Variants in CACNA2D1 observed in about 807,000 individuals in gnomAD.
CACNA2D1 encodes the protein calcium voltage-gated channel auxiliary subunit alpha2delta 1.
Under a neutral mutation model 171.5 loss-of-function variants are expected in CACNA2D1, and 53 were observed. That is an observed-to-expected ratio of 0.31 (90% confidence interval 0.25 to 0.39). The LOEUF is 0.39. Ranked by LOEUF, CACNA2D1 falls within the 10% of genes least tolerant of loss-of-function variation. The pLI is 1.00. For synonymous variants in CACNA2D1, 442 were observed against 443.1 expected, an observed-to-expected ratio of 1.00 and a Z score of 0.03; for missense variants, 903 against 1,299.8, an observed-to-expected ratio of 0.69 and a Z score of 4.69.
intron 3 of CACNA2D1, among the ~76,000 whole-genome samples, chr7:82,294,549 A>C (rs1812036264): frequency 6.6e-6 from 1 of 152,174 alleles, no homozygotes; most frequent in African/African-American, 2.4e-5. Flanking sequence ...CACAATAAAA[A>C]GCAGATTGAC....
chr7:82,433,187 CAA>C (rs3216244), intron 1 of CACNA2D1, among the ~76,000 whole-genome samples: 14 of 122,968 alleles, frequency 1.1e-4, no homozygotes, highest in Admixed American at 1.7e-4. Flanking sequence ...GACTCCATCT[CAA>C]AAAAAAAAAA....
intron 3 of CACNA2D1, among the ~76,000 whole-genome samples, chr7:82,227,959 T>C (rs901744070): frequency 6.6e-6 from 1 of 152,116 alleles, no homozygotes. Context: ...CAAGTGTACA[T>C]GTACCCCCGG....
intron 3 of CACNA2D1, among the ~76,000 whole-genome samples, chr7:82,279,544 G>A (rs556388894): frequency 6.6e-6 from 1 of 152,224 alleles, no homozygotes; most frequent in African/African-American, 2.4e-5. Context: ...AAATCTCAGT[G>A]ACAAAGACCT....
chr7:82,439,263 T>C (rs993519292), intron 1 of CACNA2D1, among the ~76,000 whole-genome samples: 1 of 152,064 alleles, frequency 6.6e-6, no homozygotes, highest in Non-Finnish European at 1.5e-5. Flanking sequence ...TATATACTCC[T>C]ATATATACTA....
chr7:82,174,238 A>C (rs908633744), intron 3 of CACNA2D1, among the ~76,000 whole-genome samples: 1 of 151,874 alleles, frequency 6.6e-6, no homozygotes, highest in African/African-American at 2.4e-5. Context: ...TCAGACCTTA[A>C]AACCAGACTG....
chr7:82,084,700 A>G (rs558944278), intron 7 of CACNA2D1, 69 bp downstream of exon 7: 1 of 1,521,742 alleles, frequency 6.6e-7, no homozygotes, highest in East Asian at 2.3e-5. Context: ...GTATCAGGGA[A>G]GATAACAGAG....
chr7:81,996,983 T>C (rs1798109626), intron 19 of CACNA2D1, among the ~76,000 whole-genome samples, 196 bp downstream of exon 19: 1 of 152,126 alleles, frequency 6.6e-6, no homozygotes, highest in Admixed American at 6.5e-5. Flanking sequence ...CTTAAACATT[T>C]ATTCCTTTTC....
At chr7:82,020,850 G>T (rs769823047) in intron 12 of CACNA2D1, 15 of 152,130 alleles carry the variant, frequency 9.9e-5, no homozygotes, top group Non-Finnish European at 8.8e-5. Flanking sequence ...ACGGAGAGAA[G>T]AATTTAATCG....
chr7:82,020,061 A>T (rs995622038), intron 12 of CACNA2D1, among the ~76,000 whole-genome samples: 1 of 152,200 alleles, frequency 6.6e-6, no homozygotes, highest in Non-Finnish European at 1.5e-5. Context: ...GTAATAAATA[A>T]AAGTGTCCAA....
intron 7 of CACNA2D1, among the ~76,000 whole-genome samples, chr7:82,069,583 T>C (rs1808068272): frequency 6.6e-6 from 1 of 152,212 alleles, no homozygotes; most frequent in African/African-American, 2.4e-5. Context: ...ATTGTTGATT[T>C]AAGCAGGTAT....
intron 12 of CACNA2D1, among the ~76,000 whole-genome samples, chr7:82,025,055 C>A (rs1801707695): frequency 6.6e-6 from 1 of 151,532 alleles, no homozygotes; most frequent in Non-Finnish European, 1.5e-5. Flanking sequence ...CTTTGTAATA[C>A]ATTTTGATAT....
In CACNA2D1 at chr7:82,315,948, G is replaced by T. The variant is rs188770176; in HGVS notation, c.294+19187C>A. On this transcript the variant is annotated intron_variant, in intron 3 of 38. Transcript: ENST00000356860. ...GCTAGAAATTAAAATTAATTCCTTA[G>T]ATCAATGTCACCAGGTGTTTTTTTT... Among the ~76,000 whole-genome samples the T allele has an allele frequency of 4.0e-3, 601 of 151,282 alleles. 8 individuals are homozygous for T. The highest frequency in any genetic ancestry group is 0.01 in the Middle Eastern group (3 of 292).
chr7:82,202,281 T>C (rs1250832839), intron 3 of CACNA2D1, among the ~76,000 whole-genome samples: 1 of 152,108 alleles, frequency 6.6e-6, no homozygotes, highest in African/African-American at 2.4e-5. Flanking sequence ...CTACGATTCC[T>C]CAAGTGTTCT....
At chr7:82,373,183 CA>C (rs540168389) in intron 1 of CACNA2D1, among the ~76,000 whole-genome samples, 48 of 148,252 alleles carry the variant, frequency 3.2e-4, no homozygotes, top group Non-Finnish European at 5.1e-4. Flanking sequence ...GACACTGTCT[CA>C]AAAAAAAAAT....
chr7:81,963,900 A>C (rs992791878), intron 34 of CACNA2D1, among the ~76,000 whole-genome samples, 156 bp downstream of exon 34: 1 of 152,038 alleles, frequency 6.6e-6, no homozygotes, highest in African/African-American at 2.4e-5. Context: ...CTTAGGAAAA[A>C]CTATAAATAT....
chr7:82,136,522 T>C, intron 5 of CACNA2D1, 113 bp downstream of exon 5: 2 of 718,346 alleles, frequency 2.8e-6, no homozygotes, highest in Non-Finnish European at 2.3e-6. Flanking sequence ...ATTTTGCTCA[T>C]GCAGTCTAAC....
chr7:82,386,593 C>T (rs914834455), intron 1 of CACNA2D1, among the ~76,000 whole-genome samples: 1 of 151,820 alleles, frequency 6.6e-6, no homozygotes, highest in Non-Finnish European at 1.5e-5. Context: ...ATTAGCCAGG[C>T]GTGATGGCGC....
Position 82,406,136 on chromosome 7 carries a change from G to A in CACNA2D1, c.95+37229C>T, listed in dbSNP as rs556325524. On this transcript the variant is annotated intron_variant, in intron 1 of 38. Transcript: ENST00000356860. ...CTCCCACCTATGAGTGAGAACATGCGGTGTTTGGTTTTCTGTCCTTGCAAT... is the reference window on the plus strand; with the variant it reads ...CTCCCACCTATGAGTGAGAACATGCAGTGTTTGGTTTTCTGTCCTTGCAAT... Among the ~76,000 whole-genome samples, 8 of 152,108 alleles carry A rather than the reference G, an allele frequency of 5.3e-5. No homozygotes were observed. The South Asian group carries it at 1.5e-3, about 28-fold the overall frequency.
At chr7:82,116,853 GA>G (rs1789106622) in intron 6 of CACNA2D1, among the ~76,000 whole-genome samples, 190 bp downstream of exon 6, 1 of 152,172 alleles carries the variant, frequency 6.6e-6, no homozygotes, top group African/African-American at 2.4e-5. Flanking sequence ...TTCGTTTAGT[GA>G]GGGTATACTC....
Sources: allele counts gnomAD v4.1 joint callset (sites outside exome capture counted in the v4.1 genomes callset), GRCh38; gene constraint gnomAD v4.1.1; transcripts MANE v1.5; gene names NCBI Gene and HGNC (gene_info 2026-07-23, HGNC 2026-07-21).